AMD1: variants seen among roughly 807,000 people sequenced by gnomAD.
The protein encoded by AMD1 is S-adenosylmethionine decarboxylase proenzyme.
AMD1 carries 11 observed loss-of-function variants against 40.2 expected under a neutral mutation model. The observed-to-expected ratio is 0.27, with a 90% CI of 0.17 to 0.45. The LOEUF is 0.45. AMD1 is among the 20% of genes least tolerant of loss of function. The pLI is 1.00. For synonymous variants in AMD1, 121 were observed against 130.8 expected (o/e 0.93, Z 0.51); for missense variants, 257 against 410.2 (o/e 0.63, Z 3.23).
chr6:110,857,675 GCA>G, the AMD1 span, among the ~76,000 whole-genome samples: 5 of 115,620 alleles, frequency 4.3e-5, no homozygotes, highest in East Asian at 1.7e-3. Context: ...TATACAGATG[GCA>G]TATATATATA....
chr6:110,824,716 G>A, the AMD1 span, among the ~76,000 whole-genome samples: 1 of 152,092 alleles, frequency 6.6e-6, no homozygotes. Flanking sequence ...AGAGCATAAA[G>A]TTTTTGGTAA....
chr6:110,842,132 C>A, the AMD1 span, among the ~76,000 whole-genome samples: 1 of 152,134 alleles, frequency 6.6e-6, no homozygotes, highest in Non-Finnish European at 1.5e-5. Context: ...AGCCTGGGTT[C>A]ATAGCCCAGA....
At chr6:110,844,641 T>C in the AMD1 span, among the ~76,000 whole-genome samples, 49,569 of 151,210 alleles carry the variant, frequency 0.33, 9,141 homozygotes, top group East Asian at 0.67. Flanking sequence ...ATTAGCCGGG[T>C]GTGGTGGCAG....
intron 1 of AMD1, 152 bp downstream of exon 1, chr6:110,875,367 G>A: frequency 1.5e-6 from 1 of 654,702 alleles, no homozygotes; most frequent in South Asian, 1.9e-5. Flanking sequence ...AAGGTGCGCG[G>A]TTTGGGGGAG....
the AMD1 span, among the ~76,000 whole-genome samples, chr6:110,856,735 C>T: frequency 2.0e-5 from 3 of 152,168 alleles, no homozygotes; most frequent in South Asian, 2.1e-4. Flanking sequence ...CTAAGTTGGA[C>T]TTTTTCAGTC....
At chr6:110,864,340 C>T in the AMD1 span, 1 of 152,378 alleles carries the variant, frequency 6.6e-6, no homozygotes, top group Non-Finnish European at 1.5e-5. Flanking sequence ...AACCTGCACA[C>T]TTCTCAAAAG....
upstream of AMD1, among the ~76,000 whole-genome samples, chr6:110,872,092 A>G (rs1784928327): frequency 2.0e-5 from 3 of 152,202 alleles, no homozygotes; most frequent in South Asian, 6.2e-4. Context: ...ACTGGTCTCA[A>G]TGGCTTTGGC....
chr6:110,815,232 A>C, the AMD1 span: 217 of 1,120,542 alleles, frequency 1.9e-4, no homozygotes, highest in East Asian at 6.2e-4. Context: ...CTTCTCCAAC[A>C]GCCGCCTCTC....
At position 110,875,059 on chromosome 6, in the gene AMD1, T is replaced by C. The variant is rs776693943; in HGVS notation, c.-47T>C. On this transcript the variant is annotated 5_prime_UTR_variant, in exon 1 of 9. Transcript: ENST00000368885. ...GGCAGCGGCGGGAGAAGAGGTTTAATTTAGTTGATTTTCTGTGGTTGTTGG... is the reference window on the plus strand; with the variant it reads ...GGCAGCGGCGGGAGAAGAGGTTTAACTTAGTTGATTTTCTGTGGTTGTTGG... 6.2e-6 allele frequency: 9 copies of C among 1,458,974 alleles called. No homozygotes were observed. The African/African-American group carries it at 1.3e-4, about 20-fold the overall frequency. The allele number at this position is 1,458,974 out of a possible 1,614,324, so 90.4% of individuals were successfully genotyped here.
chr6:110,829,576 G>A, the AMD1 span, among the ~76,000 whole-genome samples: 2 of 152,002 alleles, frequency 1.3e-5, no homozygotes, highest in Admixed American at 1.3e-4. Flanking sequence ...GGCTGAGGCA[G>A]GAGAATGGCG....
At chr6:110,883,540 G>A (rs1244128029) in intron 1 of AMD1, among the ~76,000 whole-genome samples, 2 of 152,214 alleles carry the variant, frequency 1.3e-5, no homozygotes, top group African/African-American at 4.8e-5. Context: ...GCCTTTAGCA[G>A]CTGTGGCAGT....
the AMD1 span, among the ~76,000 whole-genome samples, chr6:110,821,081 A>G: frequency 6.6e-6 from 1 of 152,206 alleles, no homozygotes; most frequent in Non-Finnish European, 1.5e-5. Flanking sequence ...GGAGAGAATT[A>G]AAAGTTGTGT....
At chr6:110,869,194 T>G in the AMD1 span, among the ~76,000 whole-genome samples, 5 of 151,438 alleles carry the variant, frequency 3.3e-5, no homozygotes, top group African/African-American at 9.7e-5. Context: ...ACAGTGGCGC[T>G]ATCTCGGCTC....
chr6:110,842,353 T>C, the AMD1 span, among the ~76,000 whole-genome samples: 49,828 of 152,010 alleles, frequency 0.33, 9,208 homozygotes, highest in East Asian at 0.67. Flanking sequence ...ATAATGACTA[T>C]CTATGCTGGG....
the AMD1 span, chr6:110,858,815 C>T: frequency 1.0e-5 from 8 of 773,072 alleles, no homozygotes; most frequent in African/African-American, 6.8e-5. Context: ...TCTCTACGAC[C>T]CCAAGAACCA....
the AMD1 span, among the ~76,000 whole-genome samples, chr6:110,821,859 A>G: frequency 6.6e-6 from 1 of 152,344 alleles, no homozygotes; most frequent in East Asian, 1.9e-4. Context: ...TGCCTACATC[A>G]AAAAGTCTGA....
At chr6:110,844,767 G>A in the AMD1 span, among the ~76,000 whole-genome samples, 1 of 149,696 alleles carries the variant, frequency 6.7e-6, no homozygotes, top group Non-Finnish European at 1.5e-5. Flanking sequence ...GGCAACAAGA[G>A]CAAAACTGCA....
At chr6:110,816,304 TA>T in the AMD1 span, among the ~76,000 whole-genome samples, 18 of 152,192 alleles carry the variant, frequency 1.2e-4, no homozygotes, top group Non-Finnish European at 2.2e-4. Flanking sequence ...AAGGATTTTT[TA>T]TGGTCTATGC....
At chr6:110,819,529 T>G in the AMD1 span, among the ~76,000 whole-genome samples, 1 of 152,218 alleles carries the variant, frequency 6.6e-6, no homozygotes, top group African/African-American at 2.4e-5. Context: ...GAATTTTGAC[T>G]TCAGCAATAT....
Sources: gnomAD v4.1 joint callset for allele counts (sites outside exome capture counted in the v4.1 genomes callset) on GRCh38, gnomAD v4.1.1 for gene constraint, MANE v1.5 for transcripts, NCBI Gene and HGNC (gene_info 2026-07-23, HGNC 2026-07-21) for gene names.